RIN2: variants seen among roughly 807,000 people sequenced by gnomAD.
RIN2 encodes RAB5 interacting protein 2.
A neutral mutation model predicts 78.0 loss-of-function variants in RIN2; 36 were observed. The ratio of observed to expected loss-of-function variants is 0.46; its 90% CI spans 0.35 to 0.61. The LOEUF is 0.61. Ranked by LOEUF, RIN2 falls within the 20% of genes least tolerant of loss-of-function variation. The probability of loss-of-function intolerance (pLI) is 0.00; values close to 1 mark genes in which losing one functional copy is unlikely to be tolerated. For missense variants in RIN2, 1,087 were observed against 1,159.7 expected, an observed-to-expected ratio of 0.94 and a Z score of 0.91; for synonymous variants, 466 against 466.8, an observed-to-expected ratio of 1.00 and a Z score of 0.02.
At chr20:19,764,918 G>GTGTTTTTT (rs1274106795) in intron 1 of RIN2, among the ~76,000 whole-genome samples, 2 of 50,362 alleles carry the variant, frequency 4.0e-5, no homozygotes, top group African/African-American at 1.3e-4. Flanking sequence ...CACTTTCTGC[G>GTGTTTTTT]TTTTTTTTTT....
chr20:19,799,376 T>C lies in RIN2; in HGVS notation c.-162-246T>C, dbSNP rs116789839. Among the ~76,000 whole-genome samples, 1,490 of 152,242 alleles carry C rather than the reference T, an allele frequency of 9.8e-3. 22 individuals carry two copies. Among genetic ancestry groups the C allele is most frequent in the African/African-American group, 0.034 (1,416 of 41,534 alleles). On this transcript the variant is annotated intron_variant, in intron 1 of 12. Transcript: ENST00000255006. ...AATTAGTTCCATTCATGAAAGACCA[T>C]TTAGAGTTTTTAAAATCTGAGCATT...
chr20:19,777,142 G>T (rs953187896), intron 1 of RIN2, among the ~76,000 whole-genome samples: 1 of 152,230 alleles, frequency 6.6e-6, no homozygotes, highest in African/African-American at 2.4e-5. Flanking sequence ...CTTCATGGTA[G>T]AGTGTTGGTC....
At chr20:19,930,027 C>T (rs1311329196) in intron 3 of RIN2, among the ~76,000 whole-genome samples, 1 of 151,578 alleles carries the variant, frequency 6.6e-6, no homozygotes, top group Non-Finnish European at 1.5e-5. Context: ...GAGATTAAAT[C>T]CCTCTGCACT....
intron 3 of RIN2, among the ~76,000 whole-genome samples, chr20:19,903,500 G>A (rs532135095): frequency 2.3e-4 from 35 of 152,256 alleles, no homozygotes; most frequent in African/African-American, 8.2e-4. Flanking sequence ...TTGTTTCAGG[G>A]TCTCAAAGAC....
At chr20:19,984,995 GCTGT>G (rs1157633269) in intron 9 of RIN2, among the ~76,000 whole-genome samples, 27 of 152,296 alleles carry the variant, frequency 1.8e-4, no homozygotes, top group African/African-American at 6.3e-4. Flanking sequence ...GATTCTGATG[GCTGT>G]CCAGACAGTG....
intron 2 of RIN2, among the ~76,000 whole-genome samples, chr20:19,864,955 T>A (rs1056255943): frequency 6.6e-6 from 1 of 152,240 alleles, no homozygotes; most frequent in Non-Finnish European, 1.5e-5. Flanking sequence ...ATATGAAATC[T>A]TAACAAGTTT....
chr20:19,812,164 C>G (rs1418692419), intron 2 of RIN2, among the ~76,000 whole-genome samples: 1 of 151,790 alleles, frequency 6.6e-6, no homozygotes, highest in Non-Finnish European at 1.5e-5. Context: ...ATAAATCATG[C>G]TATTGTGAAC....
At chr20:19,949,732 T>C (rs1216093135) in intron 4 of RIN2, among the ~76,000 whole-genome samples, 1 of 152,200 alleles carries the variant, frequency 6.6e-6, no homozygotes, top group Non-Finnish European at 1.5e-5. Context: ...GGAGGCTTCA[T>C]AGCATGCTTT....
intron 2 of RIN2, among the ~76,000 whole-genome samples, chr20:19,849,340 G>A (rs193076819): frequency 1.1e-4 from 17 of 152,248 alleles, no homozygotes; most frequent in Admixed American, 3.9e-4. Context: ...AGACAGAAAT[G>A]AGAAAGCGTG....
At chr20:19,827,810 C>CTTTTTTTTTT (rs34007899) in intron 2 of RIN2, among the ~76,000 whole-genome samples, 1 of 138,396 alleles carries the variant, frequency 7.2e-6, no homozygotes. Flanking sequence ...TTCTTTTTTT[C>CTTTTTTTTTT]TTTTTTTTTT....
rs2033813553 is a variant in RIN2, at chr20:19,764,923, T to TTTTTTTTTTG, written c.-163+6605_-163+6606insGTTTTTTTTT. ...AGTCCCACTTCACTTTCTGCGTTTT[T>TTTTTTTTTTG]TTTTTTTTTTTTTTTTTTTTGACAG... On this transcript the variant is annotated intron_variant, in intron 1 of 12. Coordinates refer to ENST00000255006, the MANE Select transcript of RIN2 (RefSeq NM_018993.4). Among the ~76,000 whole-genome samples, 2 of 113,808 alleles carry TTTTTTTTTTG rather than the reference T, an allele frequency of 1.8e-5. 1 individual carries two copies. Among genetic ancestry groups the TTTTTTTTTTG allele is most frequent in the Non-Finnish European group, 3.6e-5 (2 of 55,880 alleles). 74.7% of individuals were successfully genotyped at this position (113,808 alleles called of 152,430 possible). A position where few individuals can be genotyped will look rare whatever the true frequency, so the allele number is the denominator to read the frequency against.
At chr20:19,899,502 A>C (rs946251427) in intron 3 of RIN2, among the ~76,000 whole-genome samples, 12 of 152,338 alleles carry the variant, frequency 7.9e-5, no homozygotes, top group South Asian at 4.1e-4. Flanking sequence ...AACCGCAAAC[A>C]TTCATACCTC....
In RIN2 at chr20:19,882,412, G is replaced by GA. The variant is rs764332262; in HGVS notation, c.-36-7148dup. Among the ~76,000 whole-genome samples the GA allele has an allele frequency of 8.0e-4, 122 of 152,252 alleles. 1 individual carries two copies. The highest frequency in any genetic ancestry group is 5.9e-4 in the Admixed American group (9 of 15,298). ...ATTAAAATTAAATGAATAGCTATAT[G>GA]AAAAAACTGTCATACCACACACAAA... On this transcript the variant is annotated intron_variant, in intron 2 of 12. Coordinates refer to ENST00000255006, the MANE Select transcript of RIN2 (RefSeq NM_018993.4).
intron 4 of RIN2, among the ~76,000 whole-genome samples, chr20:19,947,614 C>G (rs1462410002): frequency 6.6e-6 from 1 of 152,218 alleles, no homozygotes; most frequent in African/African-American, 2.4e-5. Flanking sequence ...TCTGTAACCA[C>G]TTATTAAACA....
At chr20:19,842,847 A>G (rs1212008290) in intron 2 of RIN2, among the ~76,000 whole-genome samples, 1 of 152,006 alleles carries the variant, frequency 6.6e-6, no homozygotes, top group East Asian at 1.9e-4. Flanking sequence ...TGAGCAAAAT[A>G]CATTGAAAAA....
At chr20:19,830,914 CT>C (rs1227271922) in intron 2 of RIN2, among the ~76,000 whole-genome samples, 1 of 152,238 alleles carries the variant, frequency 6.6e-6, no homozygotes, top group East Asian at 1.9e-4. Flanking sequence ...CGGGACACCC[CT>C]ATAAGGTTGA....
intron 2 of RIN2, among the ~76,000 whole-genome samples, chr20:19,845,727 T>C (rs550832164): frequency 1.2e-3 from 179 of 152,320 alleles, no homozygotes; most frequent in Non-Finnish European, 1.5e-3. Flanking sequence ...AGCTCTTTAG[T>C]TTAATTAGAT....
intron 2 of RIN2, among the ~76,000 whole-genome samples, chr20:19,831,261 A>T (rs1272524950): frequency 1.3e-5 from 2 of 152,230 alleles, no homozygotes. Context: ...CGTAACATAA[A>T]TTTTTACATT....
intron 2 of RIN2, among the ~76,000 whole-genome samples, chr20:19,818,186 T>C (rs2035822285): frequency 7.0e-6 from 1 of 142,412 alleles, no homozygotes; most frequent in Non-Finnish European, 1.5e-5. Context: ...AGTAAAAATA[T>C]GGTATAAAAG....
Sources: gnomAD v4.1 joint callset for allele counts (sites outside exome capture counted in the v4.1 genomes callset) on GRCh38, gnomAD v4.1.1 for gene constraint, MANE v1.5 for transcripts, NCBI Gene and HGNC (gene_info 2026-07-23, HGNC 2026-07-21) for gene names.